Variants in TBCA observed in about 807,000 individuals in gnomAD.
TBCA encodes tubulin-specific chaperone A.
Under a neutral mutation model 15.8 loss-of-function variants are expected in TBCA, and 6 were observed. The ratio of observed to expected loss-of-function variants is 0.38; its 90% CI spans 0.21 to 0.75. TBCA has a LOEUF of 0.75. TBCA is among the 30% of genes least tolerant of loss of function. The pLI is 0.46. For missense variants in TBCA, 90 were observed against 131.2 expected, an observed-to-expected ratio of 0.69 and a Z score of 1.53; for synonymous variants, 32 against 42.3, an observed-to-expected ratio of 0.76 and a Z score of 0.94.
intron 1 of TBCA, among the ~76,000 whole-genome samples, chr5:77,735,881 T>C (rs527285414): frequency 1.8e-4 from 28 of 152,224 alleles, no homozygotes; most frequent in African/African-American, 5.5e-4. Flanking sequence ...CAAAACAAAA[T>C]AAAACAAATT....
chr5:77,750,115 A>G (rs1245613921), intron 1 of TBCA, among the ~76,000 whole-genome samples: 2 of 148,932 alleles, frequency 1.3e-5, no homozygotes, highest in Non-Finnish European at 3.0e-5. Flanking sequence ...ACCTCTTTGT[A>G]CCTTTGCAAA....
chr5:77,692,027 A>G (rs371048832), intron 3 of TBCA: 7 of 985,250 alleles, frequency 7.1e-6, no homozygotes, highest in Middle Eastern at 5.2e-4. Flanking sequence ...GAAACAAAAT[A>G]CATCTTTCAT....
intron 1 of TBCA, among the ~76,000 whole-genome samples, chr5:77,732,081 T>C (rs546705111): frequency 6.6e-6 from 1 of 152,250 alleles, no homozygotes; most frequent in South Asian, 2.1e-4. Context: ...AACCAAAAAA[T>C]GTATTAAGGG....
chr5:77,693,536 C>T lies in TBCA; in HGVS notation c.160-184G>A, dbSNP rs367800904. 22 of 727,502 alleles carry T rather than the reference C, an allele frequency of 3.0e-5. No individual in the cohort carries two copies. The Admixed American group carries it at 4.4e-4, about 15-fold the overall frequency. 45.1% of individuals were successfully genotyped at this position (727,502 alleles called of 1,614,324 possible). A position where few individuals can be genotyped will look rare whatever the true frequency, so the allele number is the denominator to read the frequency against. ...TAGAAAGGCCAGGCACAGTGGCTCA[C>T]GCCTGTAATCCCAGCATTTTGGGAG... On this transcript the variant is annotated intron_variant, in intron 2 of 3. Transcript: ENST00000380377.
At chr5:77,760,631 C>T (rs1184877315) in intron 1 of TBCA, among the ~76,000 whole-genome samples, 3 of 152,214 alleles carry the variant, frequency 2.0e-5, no homozygotes, top group Admixed American at 6.5e-5. Flanking sequence ...CCGTGTTGGC[C>T]GGGCTGGTCT....
At chr5:77,727,305 T>C (rs890971376) in intron 1 of TBCA, among the ~76,000 whole-genome samples, 1 of 150,302 alleles carries the variant, frequency 6.7e-6, no homozygotes, top group African/African-American at 2.5e-5. Context: ...AGATTTAGTA[T>C]CAGAGCTACA....
chr5:77,708,602 C>T (rs1746203026), intron 1 of TBCA: 1 of 206,276 alleles, frequency 4.8e-6, no homozygotes, highest in Non-Finnish European at 9.8e-6. Flanking sequence ...GACAGTCTCG[C>T]TCTGTCTCCC....
At chr5:77,705,427 T>C (rs1418865786) in intron 2 of TBCA, 13 of 391,806 alleles carry the variant, frequency 3.3e-5, no homozygotes, top group Middle Eastern at 6.4e-4. Flanking sequence ...AGGAAAACAA[T>C]AGAAGACTTA....
intron 1 of TBCA, among the ~76,000 whole-genome samples, chr5:77,750,149 T>TATATAG (rs1177618704): frequency 4.7e-5 from 7 of 150,174 alleles, no homozygotes; most frequent in African/African-American, 1.7e-4. Context: ...TCTATATATA[T>TATATAG]AGAGAGAGAG....
intron 1 of TBCA, among the ~76,000 whole-genome samples, chr5:77,737,327 T>C (rs1746932189): frequency 6.6e-6 from 1 of 152,214 alleles, no homozygotes; most frequent in Non-Finnish European, 1.5e-5. Flanking sequence ...CTTGCCTCTC[T>C]CTAGTGATTG....
chr5:77,709,162 C>A (rs998411451), intron 1 of TBCA, among the ~76,000 whole-genome samples: 1 of 151,904 alleles, frequency 6.6e-6, no homozygotes, highest in African/African-American at 2.4e-5. Flanking sequence ...ATTTATTGTG[C>A]GTTTAATTTT....
At position 77,766,532 on chromosome 5, in the gene TBCA, C is replaced by T. The variant is rs1458578611; in HGVS notation, c.53+9673G>A. On this transcript the variant is annotated intron_variant, in intron 1 of 3. Transcript: ENST00000380377. ...TATTTATTTTTTTTTTTTTTTGAGA[C>T]GGAGTCTCGTTCTGTCGCCCAGGCG... 1.5e-4 allele frequency among the ~76,000 whole-genome samples: 3 copies of T among 20,430 alleles called. 1 individual carries two copies. The highest frequency in any genetic ancestry group is 6.5e-4 in the African/African-American group (3 of 4,616). The allele number at this position is 20,430 out of a possible 152,430, so 13.4% of individuals were successfully genotyped here.
At chr5:77,744,766 C>A (rs1747142877) in intron 1 of TBCA, among the ~76,000 whole-genome samples, 2 of 152,056 alleles carry the variant, frequency 1.3e-5, no homozygotes, top group Non-Finnish European at 2.9e-5. Context: ...GAACTCCTGA[C>A]CTCAAGTGAT....
At chr5:77,732,377 C>T (rs1400467521) in intron 1 of TBCA, among the ~76,000 whole-genome samples, 1 of 151,760 alleles carries the variant, frequency 6.6e-6, no homozygotes, top group East Asian at 1.9e-4. Flanking sequence ...GAAGGTTTGA[C>T]CATCTCTACT....
At chr5:77,755,922 C>T (rs1364348293) in intron 1 of TBCA, among the ~76,000 whole-genome samples, 1 of 151,362 alleles carries the variant, frequency 6.6e-6, no homozygotes, top group African/African-American at 2.4e-5. Context: ...GAGGATAGCT[C>T]GAACCCGGGA....
rs142455454 is a variant in TBCA, at chr5:77,747,448, G to A, written c.53+28757C>T. Reference sequence around the variant, plus strand: ...AATCTAAACTTTTAGAGCAGTTAGCGTTCCTAAAAAGTATTCTGGAAAATG... The same window carrying A: ...AATCTAAACTTTTAGAGCAGTTAGCATTCCTAAAAAGTATTCTGGAAAATG... On this transcript the variant is annotated intron_variant, in intron 1 of 3. Transcript: ENST00000380377. Among the ~76,000 whole-genome samples the A allele has an allele frequency of 2.2e-3, 339 of 152,194 alleles. 1 individual carries two copies. The highest frequency in any genetic ancestry group is 7.6e-3 in the African/African-American group (317 of 41,552).
chr5:77,757,045 T>C (rs1001921284), intron 1 of TBCA, among the ~76,000 whole-genome samples: 1 of 152,190 alleles, frequency 6.6e-6, no homozygotes, highest in Non-Finnish European at 1.5e-5. Flanking sequence ...ACCAAGTGCT[T>C]GGTTTTATTC....
At chr5:77,773,333 G>A (rs924168476) in intron 1 of TBCA, among the ~76,000 whole-genome samples, 1 of 105,366 alleles carries the variant, frequency 9.5e-6, no homozygotes, top group Non-Finnish European at 2.0e-5. Flanking sequence ...TGTGACTTTA[G>A]ACAAGTTTTT....
chr5:77,775,412 A>G (rs1747997453), intron 1 of TBCA, among the ~76,000 whole-genome samples: 1 of 152,168 alleles, frequency 6.6e-6, no homozygotes, highest in Admixed American at 6.5e-5. Flanking sequence ...CACCTTACCC[A>G]TTGACTAATA....
Sources: allele counts gnomAD v4.1 joint callset (sites outside exome capture counted in the v4.1 genomes callset), GRCh38; gene constraint gnomAD v4.1.1; transcripts MANE v1.5; gene names NCBI Gene and HGNC (gene_info 2026-07-23, HGNC 2026-07-21).